The following SIL1 variants were observed in gnomAD, a reference collection of about 807,000 sequenced individuals.
The protein encoded by SIL1 is SIL1 nucleotide exchange factor.
Under a neutral mutation model 49.1 loss-of-function variants are expected in SIL1, and 40 were observed. That is an observed-to-expected ratio of 0.81 (90% CI 0.63 to 1.06). The LOEUF (loss-of-function observed/expected upper bound fraction) is 1.06. Ranked by LOEUF, SIL1 falls within the 50% of genes least tolerant of loss-of-function variation. The pLI, the probability that SIL1 is intolerant of heterozygous loss-of-function variation, is 0.00. For synonymous variants in SIL1, 253 were observed against 250.8 expected, an observed-to-expected ratio of 1.01 and a Z score of -0.08; for missense variants, 500 against 572.6, an observed-to-expected ratio of 0.87 and a Z score of 1.29.
chr5:139,134,467 C>G (rs1322095313), intron 1 of SIL1, among the ~76,000 whole-genome samples: 2 of 152,124 alleles, frequency 1.3e-5, no homozygotes, highest in African/African-American at 4.8e-5. Context: ...ATGATGACTG[C>G]TGCCCTGGAC....
At chr5:139,017,558 T>C (rs1264298894) in intron 7 of SIL1, among the ~76,000 whole-genome samples, 2 of 152,096 alleles carry the variant, frequency 1.3e-5, no homozygotes, top group East Asian at 1.9e-4. Flanking sequence ...TAAAGAAGGA[T>C]ACAGGACTCC....
intron 1 of SIL1, among the ~76,000 whole-genome samples, chr5:139,165,259 C>T (rs1039616524): frequency 2.0e-5 from 3 of 152,212 alleles, no homozygotes; most frequent in Admixed American, 6.5e-5. Flanking sequence ...TAAACTCAAC[C>T]GTCAGCCAGA....
intron 5 of SIL1, among the ~76,000 whole-genome samples, chr5:139,034,730 T>C (rs1170618381): frequency 6.6e-6 from 1 of 152,202 alleles, no homozygotes; most frequent in Non-Finnish European, 1.5e-5. Context: ...CTCAAAAACA[T>C]ATGCATGTGT....
intron 4 of SIL1, among the ~76,000 whole-genome samples, chr5:139,043,429 T>C (rs1021293339): frequency 6.6e-6 from 1 of 152,210 alleles, no homozygotes; most frequent in African/African-American, 2.4e-5. Flanking sequence ...AGCCCCACAG[T>C]GTGTGCCTGA....
chr5:139,078,926 C>G (rs1191684054), intron 3 of SIL1, among the ~76,000 whole-genome samples: 1 of 152,220 alleles, frequency 6.6e-6, no homozygotes, highest in African/African-American at 2.4e-5. Flanking sequence ...TCTGCAATGA[C>G]AGAAATGTTC....
chr5:139,034,356 C>T (rs1184053223), intron 5 of SIL1: 1 of 151,980 alleles, frequency 6.6e-6, no homozygotes, highest in African/African-American at 2.4e-5. Context: ...TATGTTAGAG[C>T]TTAAATACAC....
Position 138,951,442 on chromosome 5 carries a change from G to A in SIL1, c.865-107C>T, listed in dbSNP as rs564155317. The A allele has an allele frequency of 8.6e-5, 101 of 1,175,182 alleles. 1 individual carries two copies. In the Admixed American group the frequency reaches 1.7e-3, roughly 19 times the overall value. 72.8% of individuals were successfully genotyped at this position (1,175,182 alleles called of 1,614,324 possible). On this transcript the variant is annotated intron_variant, in intron 8 of 9. Transcript: ENST00000394817. ...CCCCAAATTAGTCCCCATTCCTCCC[G>A]GCCCCACCTCAGTTACAGCTATACC...
intron 1 of SIL1, among the ~76,000 whole-genome samples, chr5:139,136,756 G>A (rs182364900): frequency 6.2e-4 from 94 of 152,176 alleles, no homozygotes; most frequent in Admixed American, 1.1e-3. Context: ...AAGATTTGAG[G>A]CCACATTTCT....
intron 1 of SIL1, among the ~76,000 whole-genome samples, chr5:139,177,086 C>T (rs935723982): frequency 1.3e-5 from 2 of 151,910 alleles, no homozygotes; most frequent in Non-Finnish European, 2.9e-5. Flanking sequence ...GCGCCCGCCA[C>T]CACAGCCGGC....
intron 3 of SIL1, among the ~76,000 whole-genome samples, chr5:139,113,292 A>AT (rs1196460956): frequency 2.0e-5 from 3 of 151,166 alleles, no homozygotes; most frequent in Non-Finnish European, 4.4e-5. Flanking sequence ...AGAATGATCA[A>AT]TAAAAAATAA....
chr5:139,014,791 T>C (rs1768363628), intron 7 of SIL1, among the ~76,000 whole-genome samples: 1 of 152,234 alleles, frequency 6.6e-6, no homozygotes, highest in Non-Finnish European at 1.5e-5. Context: ...GTTTATCAGA[T>C]GCAAAAGGCT....
intron 1 of SIL1, among the ~76,000 whole-genome samples, chr5:139,191,186 C>T (rs1752159435): frequency 7.8e-6 from 1 of 127,550 alleles, no homozygotes; most frequent in Non-Finnish European, 1.6e-5. Flanking sequence ...GAGCCAAGAT[C>T]ACACTCACAC....
intron 3 of SIL1, among the ~76,000 whole-genome samples, chr5:139,077,804 A>G (rs1213662477): frequency 7.1e-6 from 1 of 141,808 alleles, no homozygotes; most frequent in Non-Finnish European, 1.5e-5. Context: ...TCATTGTTAC[A>G]GAGTCAGCTC....
intron 3 of SIL1, among the ~76,000 whole-genome samples, chr5:139,118,366 G>T (rs1446777867): frequency 6.6e-6 from 1 of 152,208 alleles, no homozygotes; most frequent in Non-Finnish European, 1.5e-5. Context: ...CTGAAAATCA[G>T]AACAGCTGTG....
intron 7 of SIL1, among the ~76,000 whole-genome samples, chr5:139,010,713 T>C (rs1391696749): frequency 1.3e-5 from 2 of 151,476 alleles, no homozygotes; most frequent in Non-Finnish European, 3.0e-5. Context: ...TCTGTTGGAA[T>C]ACCCTGCCGT....
At chr5:139,075,713 G>A (rs563892637) in intron 3 of SIL1, among the ~76,000 whole-genome samples, 94 of 152,338 alleles carry the variant, frequency 6.2e-4, no homozygotes, top group Admixed American at 1.0e-3. Context: ...TGGTGATTCT[G>A]TGTGTCAATG....
At chr5:139,193,632 C>T (rs1752214633) in intron 1 of SIL1, among the ~76,000 whole-genome samples, 1 of 152,050 alleles carries the variant, frequency 6.6e-6, no homozygotes. Context: ...TGATAATGAA[C>T]AAAAGGTTGA....
intron 7 of SIL1, among the ~76,000 whole-genome samples, chr5:138,984,501 G>A (rs1370619921): frequency 6.6e-6 from 1 of 152,042 alleles, no homozygotes; most frequent in Non-Finnish European, 1.5e-5. Flanking sequence ...TGGGACTACA[G>A]GCATGTGCCA....
chr5:138,985,486 G>C (rs1311337656), intron 7 of SIL1, among the ~76,000 whole-genome samples: 2 of 152,162 alleles, frequency 1.3e-5, no homozygotes, highest in Non-Finnish European at 2.9e-5. Context: ...CAAAGGTAAG[G>C]GTGAGACTTG....
Sources: gnomAD v4.1 joint callset for allele counts (sites outside exome capture counted in the v4.1 genomes callset) on GRCh38, gnomAD v4.1.1 for gene constraint, MANE v1.5 for transcripts, NCBI Gene and HGNC (gene_info 2026-07-23, HGNC 2026-07-21) for gene names.